Variants in HDAC9 observed in about 807,000 individuals in gnomAD.
HDAC9 encodes histone deacetylase 9.
In HDAC9, 41 loss-of-function variants were observed where a neutral mutation model predicts 139.4. The ratio of observed to expected loss-of-function variants is 0.29; its 90% confidence interval spans 0.23 to 0.38. HDAC9 has a LOEUF of 0.38. Among genes scored for constraint, HDAC9 ranks in the 10% least tolerant of loss-of-function variants. HDAC9 has a pLI of 1.00. For synonymous variants in HDAC9, 517 were observed against 476.2 expected, an observed-to-expected ratio of 1.09 and a Z score of -1.12; for missense variants, 1,147 against 1,297.0, an observed-to-expected ratio of 0.88 and a Z score of 1.78.
chr7:18,510,417 A>G (rs950830849), intron 2 of HDAC9, among the ~76,000 whole-genome samples: 2 of 152,168 alleles, frequency 1.3e-5, no homozygotes, highest in Non-Finnish European at 2.9e-5. Context: ...AAATGATTAC[A>G]GGTGTACTTT....
At chr7:18,609,457 A>G (rs997760085) in intron 6 of HDAC9, among the ~76,000 whole-genome samples, 11 of 152,224 alleles carry the variant, frequency 7.2e-5, no homozygotes, top group African/African-American at 2.7e-4. Flanking sequence ...TGGCATAAGC[A>G]TCATGGTGAA....
chr7:18,907,002 G>T (rs565299075), intron 22 of HDAC9: 2 of 152,302 alleles, frequency 1.3e-5, no homozygotes, highest in African/African-American at 4.8e-5. Flanking sequence ...ACACAAGATG[G>T]AAGGAAGATC....
intron 1 of HDAC9, among the ~76,000 whole-genome samples, chr7:18,136,231 A>G (rs1465507802): frequency 1.3e-5 from 2 of 149,762 alleles, no homozygotes; most frequent in African/African-American, 5.0e-5. Context: ...AGGTTGCGAA[A>G]ATTTTCTCCC....
chr7:18,582,260 G>A (rs957023633), intron 2 of HDAC9, among the ~76,000 whole-genome samples: 1 of 152,100 alleles, frequency 6.6e-6, no homozygotes, highest in African/African-American at 2.4e-5. Flanking sequence ...GATGCAATTT[G>A]GAAAAATACA....
chr7:18,584,919 T>C (rs1466661341), intron 2 of HDAC9, among the ~76,000 whole-genome samples: 2 of 103,504 alleles, frequency 1.9e-5, no homozygotes, highest in South Asian at 4.1e-4. Flanking sequence ...CATCTTTTCC[T>C]CAACATAATT....
chr7:18,847,834 G>C (rs1332434923), intron 21 of HDAC9, among the ~76,000 whole-genome samples: 1 of 152,166 alleles, frequency 6.6e-6, no homozygotes, highest in Non-Finnish European at 1.5e-5. Flanking sequence ...CTCAGATGAG[G>C]AGATCTGGTT....
At chr7:18,567,163 A>C (rs1822619691) in intron 2 of HDAC9, among the ~76,000 whole-genome samples, 1 of 152,156 alleles carries the variant, frequency 6.6e-6, no homozygotes, top group African/African-American at 2.4e-5. Flanking sequence ...ATTTATCTCG[A>C]GGGGAATAAG....
chr7:18,519,651 G>A (rs1197985022), intron 2 of HDAC9, among the ~76,000 whole-genome samples: 1 of 152,072 alleles, frequency 6.6e-6, no homozygotes, highest in East Asian at 1.9e-4. Context: ...TGTATTAGTG[G>A]AAGAGCACAC....
intron 1 of HDAC9, among the ~76,000 whole-genome samples, chr7:18,362,421 G>T (rs1297109900): frequency 6.6e-6 from 1 of 152,132 alleles, no homozygotes; most frequent in East Asian, 1.9e-4. Context: ...TAACTTAGAT[G>T]ATCCAGTCAT....
At chr7:18,653,468 A>G (rs1790030406) in intron 11 of HDAC9, among the ~76,000 whole-genome samples, 1 of 151,890 alleles carries the variant, frequency 6.6e-6, no homozygotes, top group Non-Finnish European at 1.5e-5. Flanking sequence ...GTGCATTCCT[A>G]TGACTGGCTA....
Position 18,435,122 on chromosome 7 carries a change from G to C in HDAC9, c.-41-61140G>C, listed in dbSNP as rs564190190. Among the ~76,000 whole-genome samples, 11 of 143,836 alleles carry C rather than the reference G, an allele frequency of 7.6e-5. No homozygotes were observed. In the South Asian group the frequency reaches 2.2e-3, roughly 29 times the overall value. 94.4% of individuals were successfully genotyped at this position (143,836 alleles called of 152,430 possible). On this transcript the variant is annotated intron_variant, in intron 1 of 3. Transcript: ENST00000413509. ...TTTTGCTGCGACATGGATGGAGCTA[G>C]AGGCCATTATCCTAAGTGAACTAAT...
intron 1 of HDAC9, among the ~76,000 whole-genome samples, chr7:18,122,772 C>A (rs115092278): frequency 0.012 from 1,759 of 152,194 alleles, 40 homozygotes; most frequent in African/African-American, 0.04. Context: ...GTGTGTGCCA[C>A]CATACCGAGC....
chr7:18,089,876 G>A (rs558172500), intron 1 of HDAC9, among the ~76,000 whole-genome samples: 16 of 151,948 alleles, frequency 1.1e-4, no homozygotes, highest in African/African-American at 3.9e-4. Context: ...GACATTTTTT[G>A]TTATTACATC....
At chr7:18,782,890 A>C (rs1791371163) in intron 16 of HDAC9, among the ~76,000 whole-genome samples, 2 of 152,158 alleles carry the variant, frequency 1.3e-5, no homozygotes, top group South Asian at 4.1e-4. Context: ...ATAGTTTGCA[A>C]GTGGAACTGC....
chr7:18,157,827 G>GAA (rs1562687882), intron 1 of HDAC9, among the ~76,000 whole-genome samples: 1 of 151,606 alleles, frequency 6.6e-6, no homozygotes, highest in Non-Finnish European at 1.5e-5. Flanking sequence ...GAGAGAGAGA[G>GAA]AGAGAGAGAG....
intron 22 of HDAC9, among the ~76,000 whole-genome samples, chr7:18,905,485 C>T (rs904819824): frequency 4.6e-5 from 7 of 152,190 alleles, no homozygotes; most frequent in African/African-American, 1.7e-4. Flanking sequence ...CTTATAGTTT[C>T]TTGAATGTTG....
At chr7:18,918,988 G>A (rs1330987774) in intron 22 of HDAC9, among the ~76,000 whole-genome samples, 1 of 151,966 alleles carries the variant, frequency 6.6e-6, no homozygotes, top group African/African-American at 2.4e-5. Context: ...TGCAAATCAA[G>A]TCTTTGCCCT....
rs564653563 is a variant in HDAC9, at chr7:18,783,619, T to A, written c.2215-9726T>A. ...GAAACCTCCTTGAATTAAGCTTTGATGGTTACCACACAAGGAATCAACTCA... is the reference window on the plus strand; with the variant it reads ...GAAACCTCCTTGAATTAAGCTTTGAAGGTTACCACACAAGGAATCAACTCA... On this transcript the variant is annotated intron_variant, in intron 16 of 25. Transcript: ENST00000686413. Among the ~76,000 whole-genome samples, 7 of 151,432 alleles carry A rather than the reference T, an allele frequency of 4.6e-5. No individual in the cohort carries two copies. The East Asian group carries it at 9.7e-4, about 21-fold the overall frequency.
chr7:18,221,341 G>A (rs867277007), intron 2 of HDAC9, among the ~76,000 whole-genome samples: 36 of 152,068 alleles, frequency 2.4e-4, no homozygotes, highest in African/African-American at 8.7e-4. Context: ...CTGACCTCAG[G>A]TGATCCGCCC....
Sources: gnomAD v4.1 joint callset for allele counts (sites outside exome capture counted in the v4.1 genomes callset) on GRCh38, gnomAD v4.1.1 for gene constraint, MANE v1.5 for transcripts, NCBI Gene and HGNC (gene_info 2026-07-23, HGNC 2026-07-21) for gene names.